The following PTPRD variants were observed in gnomAD, a reference collection of about 807,000 sequenced individuals.
PTPRD encodes the protein protein tyrosine phosphatase receptor type D.
Under a neutral mutation model 214.5 loss-of-function variants are expected in PTPRD, and 34 were observed. The observed-to-expected ratio is 0.16, with a 90% CI of 0.12 to 0.21. PTPRD has a LOEUF of 0.21. PTPRD is among the 10% of genes least tolerant of loss of function. The pLI is 1.00. For synonymous variants in PTPRD, 1,128 were observed against 845.7 expected (o/e 1.33, Z -5.79); for missense variants, 2,545 against 2,398.7 (o/e 1.06, Z -1.27).
intron 3 of PTPRD, among the ~76,000 whole-genome samples, chr9:10,073,236 A>C (rs2098065807): frequency 6.6e-6 from 1 of 152,080 alleles, no homozygotes; most frequent in African/African-American, 2.4e-5. Flanking sequence ...ACCAGGATGG[A>C]ATGCAGGCTG....
At chr9:9,693,157 TG>T (rs2097305191) in intron 7 of PTPRD, among the ~76,000 whole-genome samples, 1 of 151,200 alleles carries the variant, frequency 6.6e-6, no homozygotes. Flanking sequence ...AGTAATATGT[TG>T]AATAACAGTA....
At chr9:8,877,224 C>G (rs922674142) in intron 11 of PTPRD, among the ~76,000 whole-genome samples, 1 of 152,152 alleles carries the variant, frequency 6.6e-6, no homozygotes, top group African/African-American at 2.4e-5. Flanking sequence ...CGCGCCCAGC[C>G]TGTTTTACGT....
At chr9:8,710,777 AT>A in intron 12 of PTPRD, among the ~76,000 whole-genome samples, 1 of 152,228 alleles carries the variant, frequency 6.6e-6, no homozygotes, top group East Asian at 1.9e-4. Context: ...GATAAGTCTT[AT>A]TAAAAAGACT....
intron 7 of PTPRD, among the ~76,000 whole-genome samples, chr9:9,583,519 T>C (rs2091295543): frequency 6.6e-6 from 1 of 152,034 alleles, no homozygotes; most frequent in East Asian, 1.9e-4. Flanking sequence ...CCAAACTAAT[T>C]GGTAAAACCT....
At chr9:8,888,778 T>C (rs1461523565) in intron 11 of PTPRD, among the ~76,000 whole-genome samples, 4 of 152,210 alleles carry the variant, frequency 2.6e-5, no homozygotes, top group African/African-American at 4.8e-5. Flanking sequence ...GGGAATAGCA[T>C]GTTGCATGCA....
intron 35 of PTPRD, among the ~76,000 whole-genome samples, chr9:8,424,341 A>G (rs2094531308): frequency 6.6e-6 from 1 of 152,166 alleles, no homozygotes; most frequent in African/African-American, 2.4e-5. Context: ...ACCTCAGACT[A>G]CACGGGTTCA....
chr9:9,306,439 C>T (rs983997541), intron 9 of PTPRD, among the ~76,000 whole-genome samples: 4 of 151,492 alleles, frequency 2.6e-5, no homozygotes, highest in Admixed American at 2.0e-4. Context: ...GTGGTCACAC[C>T]TGTAGTCCCA....
intron 3 of PTPRD, among the ~76,000 whole-genome samples, chr9:10,265,439 T>C (rs1018209801): frequency 1.3e-5 from 2 of 152,188 alleles, no homozygotes; most frequent in African/African-American, 4.8e-5. Flanking sequence ...AAAGCCATTA[T>C]AGAATAACTG....
At chr9:9,584,708 T>C (rs1247832597) in intron 7 of PTPRD, among the ~76,000 whole-genome samples, 1 of 151,964 alleles carries the variant, frequency 6.6e-6, no homozygotes, top group Non-Finnish European at 1.5e-5. Context: ...CATCCCCCCT[T>C]TTCAGTCCTG....
At chr9:9,387,509 G>C (rs1461993073) in intron 9 of PTPRD, among the ~76,000 whole-genome samples, 1 of 151,724 alleles carries the variant, frequency 6.6e-6, no homozygotes, top group East Asian at 1.9e-4. Flanking sequence ...ATTTTTGAAG[G>C]GTGGTTTCAC....
intron 4 of PTPRD, among the ~76,000 whole-genome samples, chr9:9,946,781 C>G (rs143804109): frequency 6.6e-6 from 1 of 152,148 alleles, no homozygotes; most frequent in African/African-American, 2.4e-5. Context: ...TACTTCAACT[C>G]ATGCCTAAAA....
At chr9:9,379,369 GCTCT>G (rs1233476834) in intron 9 of PTPRD, among the ~76,000 whole-genome samples, 1 of 151,478 alleles carries the variant, frequency 6.6e-6, no homozygotes, top group African/African-American at 2.4e-5. Flanking sequence ...CTATTTCTGG[GCTCT>G]CTATTCCATA....
chr9:10,396,194 T>C (rs763428217), intron 2 of PTPRD, among the ~76,000 whole-genome samples: 6 of 152,014 alleles, frequency 3.9e-5, no homozygotes, highest in Non-Finnish European at 8.8e-5. Flanking sequence ...CAAATGATAA[T>C]TTTAGTTGAA....
chr9:8,817,067 C>T (rs562130452), intron 11 of PTPRD, among the ~76,000 whole-genome samples: 1 of 152,126 alleles, frequency 6.6e-6, no homozygotes, highest in Non-Finnish European at 1.5e-5. Flanking sequence ...GAATATTTTT[C>T]CTTCGGTATA....
chr9:9,361,667 C>G (rs980237815), intron 9 of PTPRD, among the ~76,000 whole-genome samples: 3 of 150,964 alleles, frequency 2.0e-5, no homozygotes, highest in Non-Finnish European at 3.0e-5. Flanking sequence ...TTATTCTCCT[C>G]TAGCTATTTT....
intron 7 of PTPRD, among the ~76,000 whole-genome samples, chr9:9,664,676 G>A (rs2096682462): frequency 6.6e-6 from 1 of 151,626 alleles, no homozygotes; most frequent in Non-Finnish European, 1.5e-5. Context: ...CTTAATGCAT[G>A]GACAGATCAC....
chr9:10,544,718 T>C (rs1487687086), intron 2 of PTPRD, among the ~76,000 whole-genome samples: 3 of 152,152 alleles, frequency 2.0e-5, no homozygotes, highest in Non-Finnish European at 2.9e-5. Flanking sequence ...TTTTGAAAAG[T>C]AGGTTTTCTT....
chr9:9,469,689 T>G (rs1311462584), intron 8 of PTPRD, among the ~76,000 whole-genome samples: 2 of 152,198 alleles, frequency 1.3e-5, no homozygotes, highest in African/African-American at 4.8e-5. Context: ...TGGTGCTTTC[T>G]AACAGTTCAA....
rs141837693 is a variant in PTPRD, at chr9:9,710,704, G to A, written c.-287+23829C>T. On this transcript the variant is annotated intron_variant, in intron 7 of 45. Coordinates refer to ENST00000381196, the MANE Select transcript of PTPRD (RefSeq NM_002839.4). ...TTCATCTTCAAATTTCCTCTTTAAG[G>A]TATGAAGTACTATACTAATAATTTC... is the stretch of plus-strand genomic sequence containing the variant. 5.5e-4 allele frequency among the ~76,000 whole-genome samples: 83 copies of A among 151,522 alleles called. 1 individual carries two copies. Among genetic ancestry groups the A allele is most frequent in the African/African-American group, 2.0e-3 (82 of 41,268 alleles).
Sources: allele counts gnomAD v4.1 joint callset (sites outside exome capture counted in the v4.1 genomes callset), GRCh38; gene constraint gnomAD v4.1.1; transcripts MANE v1.5; gene names NCBI Gene and HGNC (gene_info 2026-07-23, HGNC 2026-07-21).